The following WDR70 variants were observed in gnomAD, a reference collection of about 807,000 sequenced individuals.
WDR70 encodes the protein WD repeat domain 70, also known as WD repeat-containing protein 70.
WDR70 carries 53 observed loss-of-function variants against 88.6 expected under a neutral mutation model. That is an observed-to-expected ratio of 0.60 (90% CI 0.48 to 0.75). The LOEUF is 0.75. Among genes scored for constraint, WDR70 ranks in the 30% least tolerant of loss-of-function variants. The pLI is 0.00. For synonymous variants in WDR70, 280 were observed against 270.0 expected (o/e 1.04, Z -0.36); for missense variants, 610 against 823.2 (o/e 0.74, Z 3.17).
intron 9 of WDR70, among the ~76,000 whole-genome samples, chr5:37,590,020 T>C (rs955326269): frequency 2.0e-5 from 3 of 152,180 alleles, no homozygotes; most frequent in Admixed American, 6.5e-5. Flanking sequence ...TTGGCATATG[T>C]TTTAAATTAG....
intron 7 of WDR70, among the ~76,000 whole-genome samples, chr5:37,466,034 G>A (rs1278016325): frequency 6.6e-6 from 1 of 151,676 alleles, no homozygotes; most frequent in Admixed American, 6.6e-5. Context: ...CCCTTGTATC[G>A]TACTTTACCA....
rs1032932924 is a variant in WDR70, at chr5:37,554,105, C to T, written c.917+37515C>T. Among the ~76,000 whole-genome samples the T allele has an allele frequency of 2.7e-5, 4 of 146,322 alleles. No individual in the cohort carries two copies. The South Asian group carries it at 8.6e-4, about 31-fold the overall frequency. On this transcript the variant is annotated intron_variant, in intron 9 of 17. Coordinates refer to ENST00000265107, the MANE Select transcript of WDR70 (RefSeq NM_018034.4). Reference sequence around the variant, plus strand: ...ACTTTGCCATTGATTTAGTGCAATACTCCTTTTTTTTTTTTTTTTTTAAGT... The same window carrying T: ...ACTTTGCCATTGATTTAGTGCAATATTCCTTTTTTTTTTTTTTTTTTAAGT...
chr5:37,587,706 G>T (rs560269722), intron 9 of WDR70, among the ~76,000 whole-genome samples: 17 of 151,552 alleles, frequency 1.1e-4, no homozygotes, highest in African/African-American at 4.1e-4. Flanking sequence ...TTGAATTGTA[G>T]TCCTATGGCT....
At chr5:37,668,071 A>G (rs1038622845) in intron 10 of WDR70, among the ~76,000 whole-genome samples, 5 of 152,118 alleles carry the variant, frequency 3.3e-5, no homozygotes, top group Admixed American at 2.6e-4. Flanking sequence ...AAAACAAACA[A>G]AGCAAAACAA....
intron 8 of WDR70, chr5:37,506,462 A>G (rs533564818): frequency 1.6e-5 from 12 of 767,810 alleles, no homozygotes; most frequent in South Asian, 1.1e-4. Flanking sequence ...AGGCTCCTCT[A>G]TGATCTTGCT....
intron 9 of WDR70, among the ~76,000 whole-genome samples, chr5:37,593,008 A>G (rs1342540807): frequency 6.6e-6 from 1 of 152,190 alleles, no homozygotes; most frequent in Non-Finnish European, 1.5e-5. Flanking sequence ...AATAAAAACT[A>G]GCCAGGCATG....
chr5:37,489,371 G>A (rs1330390238), intron 8 of WDR70, among the ~76,000 whole-genome samples: 2 of 152,182 alleles, frequency 1.3e-5, no homozygotes, highest in African/African-American at 4.8e-5. Context: ...TGGCAGTATA[G>A]TGGCAGGGCA....
intron 10 of WDR70, among the ~76,000 whole-genome samples, chr5:37,641,927 G>C (rs991622945): frequency 3.3e-5 from 5 of 152,152 alleles, no homozygotes; most frequent in African/African-American, 1.2e-4. Flanking sequence ...AAAGAGAGTT[G>C]ATGGGTTTGG....
intron 10 of WDR70, among the ~76,000 whole-genome samples, chr5:37,693,928 T>C (rs528680027): frequency 6.6e-6 from 1 of 152,270 alleles, no homozygotes; most frequent in Non-Finnish European, 1.5e-5. Flanking sequence ...ACCTACAAAA[T>C]GGGAGAAAAT....
chr5:37,413,382 T>G (rs1369189602), intron 5 of WDR70, among the ~76,000 whole-genome samples: 1 of 152,182 alleles, frequency 6.6e-6, no homozygotes, highest in Non-Finnish European at 1.5e-5. Context: ...GCAGAAAAAT[T>G]CTCTCAAATA....
intron 9 of WDR70, among the ~76,000 whole-genome samples, chr5:37,599,471 A>C (rs1320755838): frequency 2.0e-5 from 3 of 152,274 alleles, no homozygotes; most frequent in Non-Finnish European, 4.4e-5. Flanking sequence ...TGCTGCAATA[A>C]ATAACCACTT....
chr5:37,515,022 A>G (rs1264838501), intron 8 of WDR70, among the ~76,000 whole-genome samples: 16 of 151,518 alleles, frequency 1.1e-4, no homozygotes, highest in African/African-American at 3.9e-4. Context: ...GTCTCAAGAA[A>G]AAAAAAAAAA....
chr5:37,660,138 T>C (rs1057297618), intron 10 of WDR70, among the ~76,000 whole-genome samples: 1 of 152,216 alleles, frequency 6.6e-6, no homozygotes, highest in Non-Finnish European at 1.5e-5. Context: ...CAATTGCTAA[T>C]TGAGTTCTAT....
intron 16 of WDR70, among the ~76,000 whole-genome samples, chr5:37,725,276 C>CT (rs1747938616): frequency 6.6e-6 from 1 of 151,942 alleles, no homozygotes; most frequent in South Asian, 2.1e-4. Flanking sequence ...GGGAGGAAGA[C>CT]TGGGGCCCTT....
intron 8 of WDR70, among the ~76,000 whole-genome samples, chr5:37,507,572 C>G (rs1275351577): frequency 1.3e-5 from 2 of 152,094 alleles, no homozygotes; most frequent in Non-Finnish European, 2.9e-5. Flanking sequence ...ACAAGATCAC[C>G]CTGTTGGGAT....
At chr5:37,487,627 A>ATATT (rs1317924512) in intron 8 of WDR70, among the ~76,000 whole-genome samples, 2 of 69,070 alleles carry the variant, frequency 2.9e-5, no homozygotes, top group African/African-American at 1.0e-4. Flanking sequence ...ATATATATGT[A>ATATT]TTTTTTTTTT....
At chr5:37,592,261 T>G (rs1408655764) in intron 9 of WDR70, among the ~76,000 whole-genome samples, 1 of 152,220 alleles carries the variant, frequency 6.6e-6, no homozygotes, top group Non-Finnish European at 1.5e-5. Flanking sequence ...AAAAAATTTT[T>G]TGCATCAAAC....
In WDR70 at chr5:37,752,918, A is replaced by G; in HGVS notation, c.*345A>G. The G allele has an allele frequency of 5.7e-6, 1 of 176,292 alleles. No homozygotes were observed. 10.9% of individuals were successfully genotyped at this position (176,292 alleles called of 1,614,324 possible). A position where few individuals can be genotyped will look rare whatever the true frequency, so the allele number is the denominator to read the frequency against. On this transcript the variant is annotated 3_prime_UTR_variant, in exon 18 of 18. Coordinates refer to ENST00000265107, the MANE Select transcript of WDR70 (RefSeq NM_018034.4). ...TTAAGATGTGCATCTGTCTCTAGCAATTCTAGGAACATAATATAGAAATAG... is the reference window on the plus strand; with the variant it reads ...TTAAGATGTGCATCTGTCTCTAGCAGTTCTAGGAACATAATATAGAAATAG...
intron 13 of WDR70, among the ~76,000 whole-genome samples, chr5:37,707,994 G>T (rs1357084114): frequency 1.5e-4 from 12 of 78,478 alleles, no homozygotes; most frequent in East Asian, 1.4e-3. Flanking sequence ...TATATATATA[G>T]TTGATTGAAA....
Sources: gnomAD v4.1 joint callset for allele counts (sites outside exome capture counted in the v4.1 genomes callset) on GRCh38, gnomAD v4.1.1 for gene constraint, MANE v1.5 for transcripts, NCBI Gene and HGNC (gene_info 2026-07-23, HGNC 2026-07-21) for gene names.